Variants in WDR86 observed in about 807,000 individuals in gnomAD.
WDR86 encodes the protein WD repeat-containing protein 86.
In WDR86, 30 loss-of-function variants were observed where a neutral mutation model predicts 36.5. The observed-to-expected ratio is 0.82, with a 90% CI of 0.61 to 1.11. The LOEUF is 1.11. WDR86 is among the 50% of genes most tolerant of loss of function. WDR86 has a pLI of 0.00. For missense variants in WDR86, 545 were observed against 561.2 expected, an observed-to-expected ratio of 0.97 and a Z score of 0.29; for synonymous variants, 255 against 252.9, an observed-to-expected ratio of 1.01 and a Z score of -0.08.
intron 2 of WDR86, among the ~76,000 whole-genome samples, chr7:151,399,235 C>T (rs12703133): frequency 6.6e-6 from 1 of 152,056 alleles, no homozygotes; most frequent in African/African-American, 2.4e-5. Context: ...CAGCCACCTG[C>T]GACTCCAGCG....
chr7:151,379,810 TGA>T (rs1487875062), downstream of WDR86, among the ~76,000 whole-genome samples: 4 of 152,194 alleles, frequency 2.6e-5, no homozygotes, highest in Non-Finnish European at 5.9e-5. Context: ...GACGTGTCAG[TGA>T]GGGGCTGCTC....
chr7:151,377,301 T>C, downstream of WDR86: 1 of 1,056,376 alleles, frequency 9.5e-7, no homozygotes, highest in Non-Finnish European at 1.3e-6. Flanking sequence ...GCTCTTTCTG[T>C]TCTTACTTTT....
chr7:151,409,945 G>C lies in WDR86; in HGVS notation c.-356C>G. The C allele has an allele frequency of 9.6e-7, 1 of 1,042,776 alleles. No individual in the cohort carries two copies. Among genetic ancestry groups the C allele is most frequent in the African/African-American group, 1.7e-5 (1 of 59,430 alleles). 64.6% of individuals were successfully genotyped at this position (1,042,776 alleles called of 1,614,324 possible). On this transcript the variant is annotated 5_prime_UTR_variant, in exon 1 of 6. Coordinates refer to ENST00000334493, the MANE Select transcript of WDR86 (RefSeq NM_198285.3). This position sits in a 1 kb window ranked among gnomAD's most constrained non-coding sequence, Gnocchi z 5.2. ...GTCTCTGGTGCACAAGGAGCCCCCC[G>C]CCTCCTCTCGCGCCCACGGGGCTGG...
At chr7:151,376,774 T>G (rs2150729149), downstream of WDR86, 1 of 1,593,560 alleles carries the variant, frequency 6.3e-7, no homozygotes, top group East Asian at 2.3e-5. Flanking sequence ...CAGAAGACTC[T>G]TTGTCCCCGC....
At chr7:151,376,677 TGA>T, downstream of WDR86, 4 of 1,611,596 alleles carry the variant, frequency 2.5e-6, no homozygotes, top group Non-Finnish European at 2.5e-6. Flanking sequence ...GAAGCTGCGC[TGA>T]GAGTGTTCAG....
At position 151,390,387 on chromosome 7, in the gene WDR86, G is replaced by A. The variant is rs1001729449; in HGVS notation, c.727-5164C>T. ...AAAAGGAGTCCCCCCAACCCCCACA[G>A]TCAGGAAGCCTCCGGAAGTTGCACA... On this transcript the variant is annotated intron_variant, in intron 3 of 5. Transcript: ENST00000334493. This position sits in a 1 kb window ranked among gnomAD's most constrained non-coding sequence, Gnocchi z 4.5. Among the ~76,000 whole-genome samples, 2 of 152,232 alleles carry A rather than the reference G, an allele frequency of 1.3e-5. No individual in the cohort carries two copies. Among genetic ancestry groups the A allele is most frequent in the African/African-American group, 2.4e-5 (1 of 41,450 alleles).
chr7:151,377,039 T>C (rs996352816), downstream of WDR86: 2 of 1,535,616 alleles, frequency 1.3e-6, no homozygotes, highest in Non-Finnish European at 1.8e-6. Flanking sequence ...TGCGGTATTT[T>C]ATTGTAGGAA....
At chr7:151,402,104 T>C (rs1272318954) in intron 1 of WDR86, among the ~76,000 whole-genome samples, 2 of 128,404 alleles carry the variant, frequency 1.6e-5, no homozygotes, top group East Asian at 4.4e-4. Flanking sequence ...TCCACAAATG[T>C]CCTTACAAGA....
At chr7:151,393,949 T>C (rs1799623187) in intron 3 of WDR86, among the ~76,000 whole-genome samples, 1 of 152,082 alleles carries the variant, frequency 6.6e-6, no homozygotes, top group Non-Finnish European at 1.5e-5. Context: ...GATGTCGAGT[T>C]AAAAGGCACG....
At chr7:151,375,306 G>T (rs972338429), downstream of WDR86, among the ~76,000 whole-genome samples, 2 of 152,042 alleles carry the variant, frequency 1.3e-5, no homozygotes, top group African/African-American at 4.8e-5. Flanking sequence ...CTGAATATTC[G>T]AAGGGACTGA....
At chr7:151,379,220 G>T (rs934718898), downstream of WDR86, among the ~76,000 whole-genome samples, 7 of 152,170 alleles carry the variant, frequency 4.6e-5, no homozygotes, top group Non-Finnish European at 1.0e-4. Flanking sequence ...GAAGAATGGG[G>T]GCGGATGGTA....
chr7:151,378,450 T>C (rs1261724743), downstream of WDR86: 1 of 152,206 alleles, frequency 6.6e-6, no homozygotes, highest in Non-Finnish European at 1.5e-5. Context: ...TATTCAAAAA[T>C]TGTCACCCTA....
At chr7:151,370,207 C>T in the WDR86 span, among the ~76,000 whole-genome samples, 4 of 152,006 alleles carry the variant, frequency 2.6e-5, no homozygotes, top group Non-Finnish European at 4.4e-5. Flanking sequence ...CTGCCTTAGC[C>T]TTCTAAGTAG....
downstream of WDR86, among the ~76,000 whole-genome samples, chr7:151,380,815 C>T (rs1798513304): frequency 2.0e-5 from 3 of 149,632 alleles, no homozygotes; most frequent in Admixed American, 6.6e-5. Context: ...AGGCCCTGAA[C>T]GGACTTCCTA....
chr7:151,399,222 C>T (rs935406769), intron 2 of WDR86, among the ~76,000 whole-genome samples: 1 of 152,238 alleles, frequency 6.6e-6, no homozygotes, highest in African/African-American at 2.4e-5. Flanking sequence ...TTATTCCTGG[C>T]TGCAGCCACC....
downstream of WDR86, chr7:151,377,885 A>C (rs113863983): frequency 1.3e-5 from 2 of 152,346 alleles, no homozygotes; most frequent in African/African-American, 4.8e-5. Flanking sequence ...GTCAGGCTTT[A>C]TATATATTCA....
At position 151,409,278 on chromosome 7, in the gene WDR86, G is replaced by A. The variant is rs1418675364; in HGVS notation, c.163+149C>T. On this transcript the variant is annotated intron_variant, in intron 1 of 5. Transcript: ENST00000334493. This position sits in a 1 kb window ranked among gnomAD's most constrained non-coding sequence, Gnocchi z 5.2. ...GCCGTGCGCTCAACAGCCAGATGCT[G>A]GGCCCAGACAAGCGCTCTTCCGCTA... The A allele has an allele frequency of 7.6e-7, 1 of 1,313,554 alleles. No homozygotes were observed. Among genetic ancestry groups the A allele is most frequent in the African/African-American group, 1.5e-5 (1 of 68,466 alleles). 81.4% of individuals were successfully genotyped at this position (1,313,554 alleles called of 1,614,324 possible).
At chr7:151,386,441 G>A (rs1798985202) in intron 3 of WDR86, among the ~76,000 whole-genome samples, 1 of 152,202 alleles carries the variant, frequency 6.6e-6, no homozygotes, top group African/African-American at 2.4e-5. Flanking sequence ...GCTTCCTGTG[G>A]ACAGTCACCT....
At position 151,388,625 on chromosome 7, in the gene WDR86, C is replaced by G. The variant is rs989977967; in HGVS notation, c.727-3402G>C. Among the ~76,000 whole-genome samples, 2 of 152,200 alleles carry G rather than the reference C, an allele frequency of 1.3e-5. No individual in the cohort carries two copies. Among genetic ancestry groups the G allele is most frequent in the Non-Finnish European group, 2.9e-5 (2 of 68,044 alleles). On this transcript the variant is annotated intron_variant, in intron 3 of 5. Coordinates refer to ENST00000334493, the MANE Select transcript of WDR86 (RefSeq NM_198285.3). The surrounding 1 kb of genome is among the most constrained non-coding windows in gnomAD (Gnocchi z 4.2). ...GACCCCTGAGATCGGTGGCTCAGCC[C>G]TGCATGCAGTCCTGTAAAAGGCGAG...
Sources: allele counts gnomAD v4.1 joint callset (sites outside exome capture counted in the v4.1 genomes callset), GRCh38; gene constraint gnomAD v4.1.1; non-coding constraint Gnocchi (gnomAD v3.1); transcripts MANE v1.5; gene names NCBI Gene and HGNC (gene_info 2026-07-23, HGNC 2026-07-21).